ATP8B4: variants seen among roughly 807,000 people sequenced by gnomAD.
ATP8B4 encodes probable phospholipid-transporting ATPase IM.
A neutral mutation model predicts 145.6 loss-of-function variants in ATP8B4; 133 were observed. The ratio of observed to expected loss-of-function variants is 0.91; its 90% confidence interval spans 0.79 to 1.05. ATP8B4 has a LOEUF of 1.05. Ranked by LOEUF, ATP8B4 falls within the 50% of genes least tolerant of loss-of-function variation. The probability of loss-of-function intolerance (pLI) is 0.00; values close to 1 mark genes in which losing one functional copy is unlikely to be tolerated. For missense variants in ATP8B4, 1,458 were observed against 1,425.2 expected, an observed-to-expected ratio of 1.02 and a Z score of -0.37; for synonymous variants, 507 against 492.9, an observed-to-expected ratio of 1.03 and a Z score of -0.38.
chr15:49,960,028 T>C (rs1302772810), intron 14 of ATP8B4, among the ~76,000 whole-genome samples: 5 of 132,780 alleles, frequency 3.8e-5, no homozygotes, highest in Non-Finnish European at 6.7e-5. Flanking sequence ...TCAATAATTT[T>C]TTTGGTTTTT....
intron 14 of ATP8B4, among the ~76,000 whole-genome samples, chr15:49,940,149 G>T (rs1250882980): frequency 1.3e-5 from 2 of 152,060 alleles, no homozygotes; most frequent in Admixed American, 1.3e-4. Context: ...ATCAACCCAG[G>T]TGCCATCAAC....
chr15:49,961,939 A>T (rs1436355416), intron 14 of ATP8B4, 38 bp downstream of exon 14: 2 of 1,518,336 alleles, frequency 1.3e-6, no homozygotes, highest in Non-Finnish European at 1.8e-6. Flanking sequence ...ATATAATTTG[A>T]AATTAAAACT....
intron 12 of ATP8B4, among the ~76,000 whole-genome samples, chr15:49,976,572 A>G (rs1044541278): frequency 2.0e-5 from 3 of 152,104 alleles, no homozygotes; most frequent in African/African-American, 7.2e-5. Context: ...TGAGGGTCAC[A>G]ACACAAATCA....
chr15:49,948,525 A>G (rs2042778770), intron 14 of ATP8B4, among the ~76,000 whole-genome samples: 1 of 152,202 alleles, frequency 6.6e-6, no homozygotes, highest in Non-Finnish European at 1.5e-5. Flanking sequence ...AAATATGTGC[A>G]GATCATATAT....
rs1373112801 is a variant in ATP8B4, at chr15:49,996,757, T to C, written c.509A>G (p.Glu170Gly). The change falls in exon 9 of 28, where the codon GAA becomes GGA. Residue 170 changes from glutamate (E) to glycine (G), a missense_variant and splice_region_variant. Glu to Gly is a moderately conservative substitution (Grantham distance 98, BLOSUM62 -2). Coordinates refer to ENST00000284509, the MANE Select transcript of ATP8B4 (RefSeq NM_024837.4). ...TGCATGGCGGACTTTTAGGTTCGTT[T>C]CCCTGTGAAATTATTGACATGACAT... Reference protein sequence around the residue: ...CYVETAELDGETNLKVRHALS... With the variant: ...CYVETAELDGGTNLKVRHALS... 1 of 1,608,460 alleles carries C rather than the reference T, an allele frequency of 6.2e-7. No individual in the cohort carries two copies. The highest frequency in any genetic ancestry group is 2.2e-5 in the East Asian group (1 of 44,604).
intron 25 of ATP8B4, among the ~76,000 whole-genome samples, chr15:49,874,980 A>G (rs2034179438): frequency 6.6e-6 from 1 of 152,226 alleles, no homozygotes; most frequent in Non-Finnish European, 1.5e-5. Flanking sequence ...GGCAAGCAAA[A>G]AAAAAGAGAA....
intron 2 of ATP8B4, among the ~76,000 whole-genome samples, chr15:50,104,878 C>CACACACACAG (rs1555490774): frequency 0.34 from 52,069 of 151,026 alleles, 10,219 homozygotes; most frequent in East Asian, 0.64. Flanking sequence ...CACACACACA[C>CACACACACAG]ACACACACAC....
intron 19 of ATP8B4, 163 bp from the exon 20 acceptor site, chr15:49,917,202 A>G (rs2039830265): frequency 5.2e-6 from 3 of 575,856 alleles, no homozygotes; most frequent in Admixed American, 6.7e-5. Flanking sequence ...GCAGAGGGAA[A>G]TTCAAAGACC....
At chr15:50,004,482 A>G (rs1162633786) in intron 7 of ATP8B4, among the ~76,000 whole-genome samples, 1 of 152,100 alleles carries the variant, frequency 6.6e-6, no homozygotes, top group African/African-American at 2.4e-5. Flanking sequence ...CCTCAAGCTG[A>G]CTCATCCAGT....
At chr15:50,179,646 A>C (rs2044815573) in intron 1 of ATP8B4, among the ~76,000 whole-genome samples, 1 of 152,208 alleles carries the variant, frequency 6.6e-6, no homozygotes, top group African/African-American at 2.4e-5. Context: ...TAATTTGATC[A>C]TAGGGCAGAG....
chr15:50,153,513 A>AT (rs981301889), intron 1 of ATP8B4, among the ~76,000 whole-genome samples: 78 of 152,132 alleles, frequency 5.1e-4, no homozygotes, highest in African/African-American at 1.9e-3. Context: ...TAATTTTTGT[A>AT]TTTTTAGTAG....
intron 14 of ATP8B4, among the ~76,000 whole-genome samples, chr15:49,951,653 C>T (rs527812762): frequency 2.4e-4 from 36 of 152,152 alleles, no homozygotes; most frequent in Non-Finnish European, 4.1e-4. Context: ...TCCAATTTCC[C>T]AGTCTGTGCC....
At chr15:50,134,784 C>G (rs144996211) in intron 1 of ATP8B4, among the ~76,000 whole-genome samples, 114 of 152,322 alleles carry the variant, frequency 7.5e-4, no homozygotes, top group Non-Finnish European at 1.5e-3. Context: ...GATGATGTCA[C>G]ATTCTTTGCC....
intron 13 of ATP8B4, among the ~76,000 whole-genome samples, chr15:49,964,129 C>A (rs1274379385): frequency 6.6e-6 from 1 of 152,134 alleles, no homozygotes; most frequent in Non-Finnish European, 1.5e-5. Context: ...GAGCACCAAC[C>A]ACTTGACAAG....
intron 12 of ATP8B4, among the ~76,000 whole-genome samples, chr15:49,974,387 G>T (rs2045481461): frequency 7.4e-6 from 1 of 135,986 alleles, no homozygotes; most frequent in South Asian, 2.4e-4. Context: ...ACCGCACCCA[G>T]CCACTTGTCC....
At chr15:49,883,431 G>C (rs1443254626) in intron 23 of ATP8B4, 1 of 152,148 alleles carries the variant, frequency 6.6e-6, no homozygotes, top group Non-Finnish European at 1.5e-5. Flanking sequence ...ATCAGAGTAA[G>C]GTTTCAATGA....
At chr15:49,952,037 T>G (rs1037744174) in intron 14 of ATP8B4, among the ~76,000 whole-genome samples, 4 of 152,208 alleles carry the variant, frequency 2.6e-5, no homozygotes, top group African/African-American at 7.2e-5. Flanking sequence ...CTCTTCTGGC[T>G]TGTAGAGTTT....
chr15:50,166,007 AC>A (rs1555498712), intron 1 of ATP8B4, among the ~76,000 whole-genome samples: 1 of 144,838 alleles, frequency 6.9e-6, no homozygotes, highest in African/African-American at 2.6e-5. Flanking sequence ...ACACACACAC[AC>A]CTCATCTAAC....
At chr15:50,139,238 C>G (rs1404739085) in intron 1 of ATP8B4, among the ~76,000 whole-genome samples, 1 of 152,084 alleles carries the variant, frequency 6.6e-6, no homozygotes. Flanking sequence ...ACATATACAC[C>G]AAAGAATACC....
Sources: gnomAD v4.1 joint callset for allele counts (sites outside exome capture counted in the v4.1 genomes callset) on GRCh38, gnomAD v4.1.1 for gene constraint, MANE v1.5 for transcripts, NCBI Gene and HGNC (gene_info 2026-07-23, HGNC 2026-07-21) for gene names.